The following SLC7A14 variants were observed in gnomAD, a reference collection of about 807,000 sequenced individuals.
SLC7A14 encodes the protein solute carrier family 7 member 14, also known as gamma-aminobutyric acid transporter SLC7A14.
A neutral mutation model predicts 60.2 loss-of-function variants in SLC7A14; 37 were observed. That is an observed-to-expected ratio of 0.61 (90% CI 0.47 to 0.81). The LOEUF (loss-of-function observed/expected upper bound fraction) is 0.81, where lower values mean the gene tolerates loss of function less well. SLC7A14 is among the 30% of genes least tolerant of loss of function. SLC7A14 has a pLI of 0.00. For missense variants in SLC7A14, 886 were observed against 982.7 expected, an observed-to-expected ratio of 0.90 and a Z score of 1.32; for synonymous variants, 399 against 395.8, an observed-to-expected ratio of 1.01 and a Z score of -0.10.
chr3:170,577,511 G>A (rs1217246099), intron 1 of SLC7A14, among the ~76,000 whole-genome samples: 3 of 151,348 alleles, frequency 2.0e-5, no homozygotes, highest in Middle Eastern at 3.2e-3. Flanking sequence ...CCAGCTACTC[G>A]GGAGGCTGAG....
At chr3:170,543,526 G>A (rs977777367) in intron 1 of SLC7A14, among the ~76,000 whole-genome samples, 7 of 151,904 alleles carry the variant, frequency 4.6e-5, no homozygotes, top group Non-Finnish European at 8.8e-5. Context: ...GCGCATGCTT[G>A]TAATCCCAGC....
chr3:170,507,649 T>G (rs1432849764), intron 2 of SLC7A14, among the ~76,000 whole-genome samples: 1 of 152,034 alleles, frequency 6.6e-6, no homozygotes, highest in African/African-American at 2.4e-5. Context: ...TGAGATCAAG[T>G]GATTGAGGGG....
Position 170,465,743 on chromosome 3 carries a change from G to A in SLC7A14, c.*1312C>T, listed in dbSNP as rs1297564161. 6.6e-6 allele frequency: 1 copy of A among 152,178 alleles called. No individual in the cohort carries two copies. The highest frequency in any genetic ancestry group is 1.5e-5 in the Non-Finnish European group (1 of 68,034). 9.4% of individuals were successfully genotyped at this position (152,178 alleles called of 1,614,324 possible). On this transcript the variant is annotated 3_prime_UTR_variant, in exon 8 of 8. Transcript: ENST00000231706. ...CACATACATTTGTACGTATCTCAGT[G>A]CAGCCACAGGAATTCTTGTAACCCA...
rs1278947784 is a variant in SLC7A14, at chr3:170,460,914, AT to A, written c.*6140del. Reference sequence around the variant, plus strand: ...TGTGTGTGCAGAACACAGTTAAATTATTATTATTATTATTTTTGAGACGGAG... The same window carrying A: ...TGTGTGTGCAGAACACAGTTAAATTATATTATTATTATTTTTGAGACGGAG... On this transcript the variant is annotated 3_prime_UTR_variant, in exon 8 of 8. Coordinates refer to ENST00000231706, the MANE Select transcript of SLC7A14 (RefSeq NM_020949.3). The A allele has an allele frequency of 6.6e-6, 1 of 152,096 alleles. No homozygotes were observed. Among genetic ancestry groups the A allele is most frequent in the East Asian group, 1.9e-4 (1 of 5,200 alleles). The allele number at this position is 152,096 out of a possible 1,614,324, so 9.4% of individuals were successfully genotyped here.
chr3:170,515,291 C>T (rs1004383864), intron 2 of SLC7A14, among the ~76,000 whole-genome samples: 7 of 147,458 alleles, frequency 4.7e-5, no homozygotes, highest in East Asian at 3.9e-4. Context: ...CCATCCTGGG[C>T]GACAGAGTGA....
intron 1 of SLC7A14, among the ~76,000 whole-genome samples, chr3:170,542,915 T>C (rs1422655313): frequency 6.6e-6 from 1 of 152,160 alleles, no homozygotes; most frequent in Non-Finnish European, 1.5e-5. Flanking sequence ...GTGTGAGTCA[T>C]CATCAAGAAT....
intron 2 of SLC7A14, among the ~76,000 whole-genome samples, chr3:170,513,568 C>A (rs1338305012): frequency 2.6e-5 from 4 of 152,134 alleles, no homozygotes; most frequent in Non-Finnish European, 5.9e-5. Context: ...TTGCAAGGGA[C>A]TTTTCAGGGC....
intron 4 of SLC7A14, among the ~76,000 whole-genome samples, chr3:170,492,226 A>G (rs1462655218): frequency 6.6e-6 from 1 of 152,214 alleles, no homozygotes; most frequent in East Asian, 1.9e-4. Context: ...ATCTGTGAAT[A>G]AAATTGGTGG....
At chr3:170,484,703 T>A (rs1711962345) in intron 5 of SLC7A14, among the ~76,000 whole-genome samples, 1 of 152,154 alleles carries the variant, frequency 6.6e-6, no homozygotes, top group Non-Finnish European at 1.5e-5. Flanking sequence ...AGCAACCTTG[T>A]TCTTCTCATG....
At chr3:170,533,986 A>C (rs930440903) in intron 1 of SLC7A14, among the ~76,000 whole-genome samples, 1 of 152,218 alleles carries the variant, frequency 6.6e-6, no homozygotes, top group Non-Finnish European at 1.5e-5. Flanking sequence ...TGAATCTATA[A>C]TGACTGCATA....
intron 2 of SLC7A14, among the ~76,000 whole-genome samples, chr3:170,522,256 C>G (rs760326791): frequency 3.9e-5 from 6 of 152,180 alleles, no homozygotes; most frequent in Non-Finnish European, 1.5e-5. Flanking sequence ...TGAGCATTCA[C>G]TTACCATATA....
intron 7 of SLC7A14, among the ~76,000 whole-genome samples, chr3:170,475,099 TG>T (rs1711570161): frequency 6.6e-6 from 1 of 152,256 alleles, no homozygotes; most frequent in Non-Finnish European, 1.5e-5. Flanking sequence ...CTCACTTTAC[TG>T]GGATTAATAC....
At chr3:170,565,308 T>G (rs1714761388) in intron 1 of SLC7A14, among the ~76,000 whole-genome samples, 1 of 152,048 alleles carries the variant, frequency 6.6e-6, no homozygotes, top group African/African-American at 2.4e-5. Context: ...GACTAGAAAA[T>G]AAGTGACTAG....
At chr3:170,521,531 A>C (rs1413026677) in intron 2 of SLC7A14, among the ~76,000 whole-genome samples, 2 of 152,256 alleles carry the variant, frequency 1.3e-5, no homozygotes, top group Admixed American at 6.5e-5. Context: ...AAACTGGAGA[A>C]AGTATTTGCA....
intron 7 of SLC7A14, among the ~76,000 whole-genome samples, chr3:170,473,980 C>T (rs893961620): frequency 6.6e-6 from 1 of 152,188 alleles, no homozygotes; most frequent in Admixed American, 6.5e-5. Context: ...GCAATTCTAA[C>T]TCAACAGAAA....
chr3:170,581,646 C>G (rs1715239424), intron 1 of SLC7A14, among the ~76,000 whole-genome samples: 1 of 152,108 alleles, frequency 6.6e-6, no homozygotes, highest in Admixed American at 6.5e-5. Context: ...ATGCATTCAG[C>G]CTGAACTACC....
chr3:170,513,463 TA>T (rs756981386), intron 2 of SLC7A14, among the ~76,000 whole-genome samples: 1 of 152,224 alleles, frequency 6.6e-6, no homozygotes, highest in Non-Finnish European at 1.5e-5. Context: ...GGGAAATGTC[TA>T]AAGAGTTAAT....
chr3:170,466,890 C>G lies in SLC7A14; in HGVS notation c.*165G>C. 1.6e-6 allele frequency: 1 copy of G among 624,954 alleles called. No homozygotes were observed. The highest frequency in any genetic ancestry group is 2.7e-5 in the East Asian group (1 of 36,538). 38.7% of individuals were successfully genotyped at this position (624,954 alleles called of 1,614,324 possible). A position where few individuals can be genotyped will look rare whatever the true frequency, so the allele number is the denominator to read the frequency against. Reference sequence around the variant, plus strand: ...ACCCAGGTTAAGCCCTTCAACAGAACTATCCTGAAGAGCAAAAGTAGCAAA... The same window carrying G: ...ACCCAGGTTAAGCCCTTCAACAGAAGTATCCTGAAGAGCAAAAGTAGCAAA... On this transcript the variant is annotated 3_prime_UTR_variant, in exon 8 of 8. Transcript: ENST00000231706.
chr3:170,498,301 G>GT (rs1323851624), intron 4 of SLC7A14, among the ~76,000 whole-genome samples: 2 of 152,176 alleles, frequency 1.3e-5, no homozygotes, highest in African/African-American at 4.8e-5. Flanking sequence ...CTGAATGGGA[G>GT]TTTTTTTCAT....
Sources: allele counts gnomAD v4.1 joint callset (sites outside exome capture counted in the v4.1 genomes callset), GRCh38; gene constraint gnomAD v4.1.1; transcripts MANE v1.5; gene names NCBI Gene and HGNC (gene_info 2026-07-23, HGNC 2026-07-21).